Variants in KCNH1 observed in about 807,000 individuals in gnomAD.
The protein encoded by KCNH1 is potassium voltage-gated channel subfamily H member 1, also known as voltage-gated delayed rectifier potassium channel KCNH1.
KCNH1 carries 27 observed loss-of-function variants against 69.2 expected under a neutral mutation model. That is an observed-to-expected ratio of 0.39 (90% CI 0.29 to 0.54). The LOEUF is 0.54. Among genes scored for constraint, KCNH1 ranks in the 20% least tolerant of loss-of-function variants. KCNH1 has a pLI of 0.68. For synonymous variants in KCNH1, 456 were observed against 487.7 expected, an observed-to-expected ratio of 0.93 and a Z score of 0.86; for missense variants, 798 against 1,261.6, an observed-to-expected ratio of 0.63 and a Z score of 5.57.
chr1:210,953,573 C>A (rs1444130850), intron 6 of KCNH1, among the ~76,000 whole-genome samples: 1 of 152,176 alleles, frequency 6.6e-6, no homozygotes, highest in Non-Finnish European at 1.5e-5. Context: ...ACGGAATACT[C>A]CAAAGCATTT....
chr1:210,881,632 C>T (rs147423676), intron 7 of KCNH1, among the ~76,000 whole-genome samples: 1 of 152,156 alleles, frequency 6.6e-6, no homozygotes, highest in African/African-American at 2.4e-5. Context: ...TGGAAGCAAC[C>T]AGGATGTCCT....
In KCNH1 at chr1:211,101,577, C is replaced by T. The variant is rs75105282; in HGVS notation, c.310+1919G>A. Among the ~76,000 whole-genome samples the T allele has an allele frequency of 8.1e-3, 1,226 of 152,288 alleles. 18 individuals carry two copies. The highest frequency in any genetic ancestry group is 0.028 in the African/African-American group (1,177 of 41,548). On this transcript the variant is annotated intron_variant, in intron 3 of 10. Transcript: ENST00000271751. ...AGAAACTCCTTCCTCAGCACAGATG[C>T]AATTCCAGACCATGGTCCATGGAGG...
At chr1:211,044,053 A>G (rs1295323136) in intron 5 of KCNH1, among the ~76,000 whole-genome samples, 1 of 152,192 alleles carries the variant, frequency 6.6e-6, no homozygotes, top group East Asian at 1.9e-4. Flanking sequence ...GCCCACTCTT[A>G]CCACTTCTCT....
chr1:210,996,459 C>A (rs555416715), intron 6 of KCNH1, among the ~76,000 whole-genome samples: 2 of 152,362 alleles, frequency 1.3e-5, no homozygotes, highest in African/African-American at 4.8e-5. Context: ...ATTGCCCAGG[C>A]TTGATTAGGT....
chr1:211,026,530 C>T (rs924807962), intron 5 of KCNH1, among the ~76,000 whole-genome samples: 2 of 152,182 alleles, frequency 1.3e-5, no homozygotes, highest in African/African-American at 4.8e-5. Flanking sequence ...TGCCCCCACC[C>T]CGCCTCAGCT....
intron 6 of KCNH1, among the ~76,000 whole-genome samples, chr1:210,993,061 C>T (rs1688963648): frequency 6.6e-6 from 1 of 152,204 alleles, no homozygotes; most frequent in Non-Finnish European, 1.5e-5. Context: ...GACAGTGGAG[C>T]ACACACTCCT....
chr1:211,028,082 T>C (rs1166429987), intron 5 of KCNH1, among the ~76,000 whole-genome samples: 1 of 152,166 alleles, frequency 6.6e-6, no homozygotes, highest in African/African-American at 2.4e-5. Flanking sequence ...GATCATATGC[T>C]AGTCCATAAA....
intron 6 of KCNH1, among the ~76,000 whole-genome samples, chr1:210,977,641 T>C (rs1490919672): frequency 6.6e-6 from 1 of 152,204 alleles, no homozygotes; most frequent in Non-Finnish European, 1.5e-5. Context: ...TGTATAGCTT[T>C]ATATAGATTG....
At chr1:210,717,074 A>G (rs956678659) in intron 10 of KCNH1, among the ~76,000 whole-genome samples, 11 of 152,198 alleles carry the variant, frequency 7.2e-5, no homozygotes, top group Non-Finnish European at 1.2e-4. Flanking sequence ...AAAATCACTT[A>G]GCTTTACAAG....
chr1:210,751,058 A>C (rs1038557641), intron 10 of KCNH1, among the ~76,000 whole-genome samples: 5 of 152,164 alleles, frequency 3.3e-5, no homozygotes, highest in African/African-American at 9.7e-5. Flanking sequence ...AGCTGGTAGG[A>C]GTTTCCTAGG....
At chr1:210,816,736 A>C (rs1684824727) in intron 7 of KCNH1, among the ~76,000 whole-genome samples, 3 of 152,208 alleles carry the variant, frequency 2.0e-5, no homozygotes, top group African/African-American at 7.2e-5. Flanking sequence ...AATAACACAT[A>C]ATTTTAAAAG....
At chr1:210,922,081 T>C (rs1687470842) in intron 6 of KCNH1, among the ~76,000 whole-genome samples, 1 of 151,592 alleles carries the variant, frequency 6.6e-6, no homozygotes, top group South Asian at 2.1e-4. Context: ...TTTATTGCCC[T>C]TTAAAAAAAA....
chr1:210,719,828 A>G (rs995352458), intron 10 of KCNH1, among the ~76,000 whole-genome samples: 9 of 152,226 alleles, frequency 5.9e-5, no homozygotes, highest in African/African-American at 2.2e-4. Context: ...CTTCATTTGT[A>G]AATTTGGAAA....
chr1:210,721,473 G>C (rs1289028169), intron 10 of KCNH1, among the ~76,000 whole-genome samples: 1 of 152,128 alleles, frequency 6.6e-6, no homozygotes, highest in Non-Finnish European at 1.5e-5. Flanking sequence ...TTTTTGCATT[G>C]TTTTTAGAAT....
chr1:210,865,239 A>G lies in KCNH1; in HGVS notation c.1462+54401T>C, dbSNP rs114366691. ...TCCCAATGCAGAGATATTATGTACA[A>G]TGTCTGGAACAAATATTTTCATATG... On this transcript the variant is annotated intron_variant, in intron 7 of 10. Coordinates refer to ENST00000271751, the MANE Select transcript of KCNH1 (RefSeq NM_172362.3). Among the ~76,000 whole-genome samples the G allele has an allele frequency of 5.4e-3, 825 of 152,358 alleles. 8 individuals are homozygous for G. The highest frequency in any genetic ancestry group is 0.019 in the African/African-American group (790 of 41,574).
chr1:211,100,675 A>AGCCACTGCACC (rs1331415344), intron 3 of KCNH1, among the ~76,000 whole-genome samples: 10 of 151,902 alleles, frequency 6.6e-5, no homozygotes, highest in Non-Finnish European at 1.5e-4. Flanking sequence ...ATATTTATTT[A>AGCCACTGCACC]CTCCATGAGT....
intron 6 of KCNH1, among the ~76,000 whole-genome samples, chr1:210,944,558 G>T (rs972848581): frequency 2.6e-5 from 4 of 152,172 alleles, no homozygotes; most frequent in Non-Finnish European, 4.4e-5. Context: ...GACCCCAGGG[G>T]TCACTGAGCC....
intron 5 of KCNH1, among the ~76,000 whole-genome samples, chr1:211,025,361 T>G (rs894800422): frequency 1.3e-5 from 2 of 152,080 alleles, no homozygotes; most frequent in Non-Finnish European, 2.9e-5. Flanking sequence ...AAATCCAGAG[T>G]GTCAGTGTGC....
At chr1:210,951,519 G>A (rs1472774469) in intron 6 of KCNH1, among the ~76,000 whole-genome samples, 1 of 152,156 alleles carries the variant, frequency 6.6e-6, no homozygotes, top group Non-Finnish European at 1.5e-5. Context: ...CTGGCAGTTT[G>A]TCGGTTTGAG....
Sources: gnomAD v4.1 joint callset for allele counts (sites outside exome capture counted in the v4.1 genomes callset) on GRCh38, gnomAD v4.1.1 for gene constraint, MANE v1.5 for transcripts, NCBI Gene and HGNC (gene_info 2026-07-23, HGNC 2026-07-21) for gene names.